Variants in CDC42BPB observed in about 807,000 individuals in gnomAD.
CDC42BPB encodes the protein serine/threonine-protein kinase MRCK beta.
CDC42BPB carries 37 observed loss-of-function variants against 214.9 expected under a neutral mutation model. The ratio of observed to expected loss-of-function variants is 0.17; its 90% CI spans 0.13 to 0.23. The LOEUF is 0.23. Among genes scored for constraint, CDC42BPB ranks in the 10% least tolerant of loss-of-function variants. The probability of loss-of-function intolerance (pLI) is 1.00; values close to 1 mark genes in which losing one functional copy is unlikely to be tolerated. For missense variants in CDC42BPB, 1,694 were observed against 2,227.0 expected, an observed-to-expected ratio of 0.76 and a Z score of 4.82; for synonymous variants, 931 against 884.0, an observed-to-expected ratio of 1.05 and a Z score of -0.94.
intron 1 of CDC42BPB, among the ~76,000 whole-genome samples, chr14:103,014,303 C>T (rs1436418243): frequency 6.6e-6 from 1 of 152,236 alleles, no homozygotes; most frequent in African/African-American, 2.4e-5. Flanking sequence ...TGTATCCTGC[C>T]AGTCTGGCAT....
At chr14:103,010,706 C>T (rs1278485019) in intron 2 of CDC42BPB, among the ~76,000 whole-genome samples, 6 of 152,222 alleles carry the variant, frequency 3.9e-5, no homozygotes, top group Admixed American at 1.3e-4. Context: ...GATCAAACCT[C>T]AGCATAGGTG....
intron 28 of CDC42BPB, among the ~76,000 whole-genome samples, chr14:102,946,025 T>C (rs998600497): frequency 1.3e-5 from 2 of 151,964 alleles, no homozygotes; most frequent in African/African-American, 4.8e-5. Flanking sequence ...TGCTTTTTTT[T>C]TGAGACGGAG....
In CDC42BPB at chr14:103,001,005, G is replaced by A. The variant is rs1894953477; in HGVS notation, c.448-1292C>T. 6.6e-6 allele frequency among the ~76,000 whole-genome samples: 1 copy of A among 152,210 alleles called. No individual in the cohort carries two copies. The highest frequency in any genetic ancestry group is 2.4e-5 in the African/African-American group (1 of 41,448). Reference sequence around the variant, plus strand: ...CACCACACCGGTGGGCTTGTCTGAGGAAGGGAGCGGCCCAGCTAATCAGAG... The same window carrying A: ...CACCACACCGGTGGGCTTGTCTGAGAAAGGGAGCGGCCCAGCTAATCAGAG... On this transcript the variant is annotated intron_variant, in intron 4 of 36. Transcript: ENST00000361246. The surrounding 1 kb of genome is among the most constrained non-coding windows in gnomAD (Gnocchi z 5.8).
chr14:103,035,622 C>T (rs913382648), intron 1 of CDC42BPB, among the ~76,000 whole-genome samples: 4 of 152,034 alleles, frequency 2.6e-5, no homozygotes, highest in Admixed American at 6.6e-5. Context: ...GGGTGGATCA[C>T]GAGGTCAGGA....
At chr14:103,028,171 C>T (rs961716420) in intron 1 of CDC42BPB, among the ~76,000 whole-genome samples, 11 of 152,110 alleles carry the variant, frequency 7.2e-5, no homozygotes, top group Non-Finnish European at 1.0e-4. Context: ...CCAAGCACAA[C>T]GAATCTGTGA....
At position 102,932,887 on chromosome 14, in the gene CDC42BPB, C is replaced by T. The variant is rs1006475220; in HGVS notation, c.*825G>A. ...GGGGCAGGACTGGTGGGGGGGGGGG[C>T]GGGCAGGGCGGGGCGGGGTGGGGTA... On this transcript the variant is annotated 3_prime_UTR_variant, in exon 37 of 37. Coordinates refer to ENST00000361246, the MANE Select transcript of CDC42BPB (RefSeq NM_006035.4). 2.1e-4 allele frequency: 4 copies of T among 19,210 alleles called. No individual in the cohort carries two copies. The highest frequency in any genetic ancestry group is 5.4e-4 in the Admixed American group (1 of 1,852). The allele number at this position is 19,210 out of a possible 1,614,324, so 1.2% of individuals were successfully genotyped here.
At chr14:102,968,440 T>C (rs1213624060) in intron 15 of CDC42BPB, 32 bp downstream of exon 15, 1 of 1,613,392 alleles carries the variant, frequency 6.2e-7, no homozygotes, top group South Asian at 1.1e-5. Flanking sequence ...TCAGCTTGCA[T>C]CTTCTGAACT....
chr14:103,014,000 C>T (rs1031046595), intron 1 of CDC42BPB, among the ~76,000 whole-genome samples: 25 of 152,190 alleles, frequency 1.6e-4, no homozygotes, highest in African/African-American at 5.5e-4. Context: ...CCTGTCTCTA[C>T]TAAAAATACA....
intron 21 of CDC42BPB, 78 bp from the exon 22 acceptor site, chr14:102,954,766 CTAA>C: frequency 6.5e-7 from 1 of 1,528,314 alleles, no homozygotes; most frequent in Non-Finnish European, 8.9e-7. Flanking sequence ...AAGTTCTTTA[CTAA>C]TAAAAGCAGA....
At chr14:103,017,699 G>C (rs1886544001) in intron 1 of CDC42BPB, among the ~76,000 whole-genome samples, 1 of 152,118 alleles carries the variant, frequency 6.6e-6, no homozygotes, top group Non-Finnish European at 1.5e-5. Context: ...ACCTTCAGCA[G>C]TGTCGAGGTC....
At chr14:102,991,239 T>C (rs77071765) in intron 5 of CDC42BPB, among the ~76,000 whole-genome samples, 2 of 152,148 alleles carry the variant, frequency 1.3e-5, no homozygotes, top group Admixed American at 6.5e-5. Context: ...GGACACAATA[T>C]AGCTATACAC....
chr14:102,939,356 T>C (rs1326928681), intron 34 of CDC42BPB, among the ~76,000 whole-genome samples: 1 of 152,194 alleles, frequency 6.6e-6, no homozygotes, highest in African/African-American at 2.4e-5. Context: ...GGCCGAAACG[T>C]GGTGGACTCT....
At chr14:102,942,519 A>G (rs1891943166) in intron 30 of CDC42BPB, among the ~76,000 whole-genome samples, 2 of 152,196 alleles carry the variant, frequency 1.3e-5, no homozygotes, top group African/African-American at 4.8e-5. Context: ...CCACTCTGAT[A>G]GATCAGAGGG....
At chr14:102,977,817 C>A (rs35924822) in intron 9 of CDC42BPB, among the ~76,000 whole-genome samples, 4 of 152,106 alleles carry the variant, frequency 2.6e-5, no homozygotes, top group Non-Finnish European at 5.9e-5. Flanking sequence ...TGCACCATCA[C>A]GAGCATGAAT....
intron 13 of CDC42BPB, among the ~76,000 whole-genome samples, chr14:102,971,317 G>T (rs1249335242): frequency 6.6e-6 from 1 of 152,170 alleles, no homozygotes; most frequent in Admixed American, 6.5e-5. Context: ...GGTTTTCATT[G>T]TATTAACAAG....
At chr14:102,939,410 G>A (rs1246650150) in intron 34 of CDC42BPB, among the ~76,000 whole-genome samples, 200 bp downstream of exon 34, 1 of 152,244 alleles carries the variant, frequency 6.6e-6, no homozygotes, top group African/African-American at 2.4e-5. Context: ...CCCGAGGCCT[G>A]TGCACAAGGC....
Position 102,967,166 on chromosome 14 carries a change from C to G in CDC42BPB, c.2351G>C (p.Cys784Ser). 1 of 1,613,132 alleles carries G rather than the reference C, an allele frequency of 6.2e-7. No homozygotes were observed. The part of the protein sequence containing the change: ...KKLTAENEKL[C>S]SFVDKLTAQN... ...AGCTGTGAGTTTATCCACAAAGGAA[C>G]AGAGCTGAAATGAAACAATTTCACC... The change falls in exon 17 of 37, where the codon TGT (cysteine) becomes TCT (serine). Residue 784 changes from cysteine (C) to serine (S), a missense_variant. Coordinates refer to ENST00000361246, the MANE Select transcript of CDC42BPB (RefSeq NM_006035.4).
chr14:103,042,698 G>T (rs1008448307), intron 1 of CDC42BPB, among the ~76,000 whole-genome samples: 2 of 152,110 alleles, frequency 1.3e-5, no homozygotes, highest in Admixed American at 1.3e-4. Context: ...CACATGAAAA[G>T]ATGTTCAACA....
chr14:102,943,624 C>A lies in CDC42BPB; in HGVS notation c.4408+267G>T, dbSNP rs776328180. ...GCCCTTCTGCCCAGGGGCCTATGCCCGCCGACGGGGTCCTCTGCTGAGGCC... is the reference window on the plus strand; with the variant it reads ...GCCCTTCTGCCCAGGGGCCTATGCCAGCCGACGGGGTCCTCTGCTGAGGCC... On this transcript the variant is annotated intron_variant, in intron 30 of 36. Transcript: ENST00000361246. The surrounding 1 kb of genome is among the most constrained non-coding windows in gnomAD (Gnocchi z 4.6). Among the ~76,000 whole-genome samples, 1 of 152,150 alleles carries A rather than the reference C, an allele frequency of 6.6e-6. No homozygotes were observed. Among genetic ancestry groups the A allele is most frequent in the Non-Finnish European group, 1.5e-5 (1 of 68,032 alleles).
Sources: allele counts gnomAD v4.1 joint callset (sites outside exome capture counted in the v4.1 genomes callset), GRCh38; gene constraint gnomAD v4.1.1; non-coding constraint Gnocchi (gnomAD v3.1); transcripts MANE v1.5; gene names NCBI Gene and HGNC (gene_info 2026-07-23, HGNC 2026-07-21).